Variants in PLEKHG5 observed in about 807,000 individuals in gnomAD.
PLEKHG5 encodes pleckstrin homology domain-containing family G member 5.
A neutral mutation model predicts 103.8 loss-of-function variants in PLEKHG5; 52 were observed. The observed-to-expected ratio is 0.50, with a 90% CI of 0.40 to 0.63. The LOEUF (loss-of-function observed/expected upper bound fraction) is 0.63. Among genes scored for constraint, PLEKHG5 ranks in the 30% least tolerant of loss-of-function variants. PLEKHG5 has a pLI of 0.00. For synonymous variants in PLEKHG5, 592 were observed against 575.5 expected (o/e 1.03, Z -0.41); for missense variants, 1,205 against 1,347.6 (o/e 0.89, Z 1.66).
chr1:6,484,812 G>A (rs542570240), intron 1 of PLEKHG5, among the ~76,000 whole-genome samples: 2 of 152,248 alleles, frequency 1.3e-5, no homozygotes, highest in East Asian at 3.9e-4. Flanking sequence ...GCCCACCCAT[G>A]GGAACAGCCA....
At chr1:6,473,513 C>T in intron 7 of PLEKHG5, 59 bp from the exon 8 acceptor site, 1 of 1,402,136 alleles carries the variant, frequency 7.1e-7, no homozygotes, top group South Asian at 1.5e-5. Flanking sequence ...GGCCCCACCC[C>T]AGGGCGGGTT....
At chr1:6,500,052 T>C (rs1457938374), upstream of PLEKHG5, among the ~76,000 whole-genome samples, 1 of 152,214 alleles carries the variant, frequency 6.6e-6, no homozygotes, top group Non-Finnish European at 1.5e-5. Context: ...TCCTCCTGCC[T>C]TGGCCTCCTA....
chr1:6,511,348 CCAA>C (rs1638466076), intron 1 of PLEKHG5, among the ~76,000 whole-genome samples: 1 of 152,156 alleles, frequency 6.6e-6, no homozygotes, highest in South Asian at 2.1e-4. Flanking sequence ...ACAGGCACCA[CCAA>C]CAAGGACGGT....
intron 16 of PLEKHG5, 48 bp downstream of exon 16, chr1:6,470,188 G>A (rs753896684): frequency 2.5e-6 from 4 of 1,602,860 alleles, no homozygotes; most frequent in Non-Finnish European, 3.4e-6. Context: ...GGGCCCAGGA[G>A]GTCCCTAGGA....
chr1:6,493,333 C>T (rs1645178232), upstream of PLEKHG5, among the ~76,000 whole-genome samples: 1 of 152,174 alleles, frequency 6.6e-6, no homozygotes, highest in African/African-American at 2.4e-5. Context: ...AGAACTGGGC[C>T]TGGCACCGAC....
intron 16 of PLEKHG5, 42 bp downstream of exon 16, chr1:6,470,194 T>C (rs201335058): frequency 3.7e-6 from 6 of 1,608,406 alleles, no homozygotes; most frequent in Non-Finnish European, 5.1e-6. Context: ...AGGAGGTCCC[T>C]AGGAAGGGCA....
chr1:6,468,691 G>T, intron 19 of PLEKHG5, 105 bp from the exon 20 acceptor site: 1 of 1,247,198 alleles, frequency 8.0e-7, no homozygotes, highest in Non-Finnish European at 1.2e-6. Context: ...GCCCTCCTGG[G>T]GCTGGAGGCT....
intron 1 of PLEKHG5, among the ~76,000 whole-genome samples, chr1:6,514,197 A>G (rs1638552380): frequency 6.6e-6 from 1 of 152,004 alleles, no homozygotes; most frequent in Admixed American, 6.5e-5. Flanking sequence ...GGTGGCACTC[A>G]GCTGTGGTCC....
At chr1:6,506,655 C>A (rs9787174) in intron 1 of PLEKHG5, among the ~76,000 whole-genome samples, 3 of 152,070 alleles carry the variant, frequency 2.0e-5, no homozygotes, top group Non-Finnish European at 4.4e-5. Context: ...GTGGGGACGC[C>A]GTGGGCTGCC....
chr1:6,515,762 G>T (rs1242958974), intron 1 of PLEKHG5, among the ~76,000 whole-genome samples: 2 of 152,084 alleles, frequency 1.3e-5, no homozygotes, highest in African/African-American at 4.8e-5. Context: ...GTATCCTCTG[G>T]ACACCACCCT....
chr1:6,472,079 C>T (rs749228453), intron 10 of PLEKHG5, among the ~76,000 whole-genome samples: 14 of 152,226 alleles, frequency 9.2e-5, no homozygotes, highest in Non-Finnish European at 1.3e-4. Flanking sequence ...GAAGCCATGC[C>T]TGGAATTCCC....
intron 1 of PLEKHG5, among the ~76,000 whole-genome samples, chr1:6,508,226 A>T (rs1287025159): frequency 6.6e-6 from 1 of 151,976 alleles, no homozygotes; most frequent in Non-Finnish European, 1.5e-5. Flanking sequence ...CGGAGGCTGA[A>T]CCCTCCTGAG....
upstream of PLEKHG5, chr1:6,491,824 C>A (rs995250559): frequency 6.3e-5 from 17 of 271,348 alleles, no homozygotes; most frequent in Admixed American, 9.1e-4. This position sits in a 1 kb window ranked among gnomAD's most constrained non-coding sequence, Gnocchi z 4.1. Flanking sequence ...GCAATCCCCT[C>A]TACGCTTCCC....
At chr1:6,477,495 TG>T in intron 2 of PLEKHG5, 33 bp downstream of exon 2, 4 of 1,604,608 alleles carry the variant, frequency 2.5e-6, no homozygotes, top group Non-Finnish European at 1.7e-6. Flanking sequence ...ACAGGAGCTC[TG>T]GGGGCCGAGC....
Position 6,471,293 on chromosome 1 carries a change from G to A in PLEKHG5, c.1282-193C>T, listed in dbSNP as rs150855955. ...AGTGACCACCCGTGGCCAGGGATCA[G>A]GGGTAGATGGTCAGGTGGAGGCTCA... On this transcript the variant is annotated intron_variant, in intron 12 of 20. Transcript: ENST00000377728. The A allele has an allele frequency of 4.4e-3, 3,382 of 769,560 alleles. 68 individuals are homozygous for A. The African/African-American group carries it at 0.052, about 12-fold the overall frequency. The allele number at this position is 769,560 out of a possible 1,614,324, so 47.7% of individuals were successfully genotyped here.
At chr1:6,479,348 G>A (rs1260711445) in intron 1 of PLEKHG5, among the ~76,000 whole-genome samples, 7 of 142,930 alleles carry the variant, frequency 4.9e-5, no homozygotes, top group Non-Finnish European at 7.5e-5. Context: ...GTGCAGTGGC[G>A]CGATCTCGAC....
At chr1:6,474,663 C>T in intron 5 of PLEKHG5, 76 bp from the exon 6 acceptor site, 2 of 1,405,414 alleles carry the variant, frequency 1.4e-6, no homozygotes, top group African/African-American at 1.6e-5. Flanking sequence ...CCCCCACGAG[C>T]CCCCGCCCCA....
intron 1 of PLEKHG5, among the ~76,000 whole-genome samples, chr1:6,518,177 C>A (rs1638678583): frequency 6.6e-6 from 1 of 151,988 alleles, no homozygotes; most frequent in African/African-American, 2.4e-5. Flanking sequence ...TGTGATCCGC[C>A]CGCCTCAGCC....
intron 1 of PLEKHG5, among the ~76,000 whole-genome samples, chr1:6,510,264 C>T (rs1638438312): frequency 6.6e-6 from 1 of 152,114 alleles, no homozygotes; most frequent in Admixed American, 6.5e-5. Flanking sequence ...CAGGCCCTCC[C>T]CAAACGCTCC....
Sources: allele counts gnomAD v4.1 joint callset (sites outside exome capture counted in the v4.1 genomes callset), GRCh38; gene constraint gnomAD v4.1.1; non-coding constraint Gnocchi (gnomAD v3.1); transcripts MANE v1.5; gene names NCBI Gene and HGNC (gene_info 2026-07-23, HGNC 2026-07-21).